Variants in SLC25A26 observed in about 807,000 individuals in gnomAD.
The protein encoded by SLC25A26 is solute carrier family 25 member 26.
Under a neutral mutation model 37.8 loss-of-function variants are expected in SLC25A26, and 36 were observed. The ratio of observed to expected loss-of-function variants is 0.95; its 90% CI spans 0.73 to 1.26. SLC25A26 has a LOEUF of 1.26. Ranked by LOEUF, SLC25A26 falls within the 50% of genes most tolerant of loss-of-function variation. SLC25A26 has a pLI of 0.00. For synonymous variants in SLC25A26, 129 were observed against 122.5 expected (o/e 1.05, Z -0.35); for missense variants, 390 against 331.1 (o/e 1.18, Z -1.38).
intron 3 of SLC25A26, among the ~76,000 whole-genome samples, chr3:66,257,438 G>A (rs1019594569): frequency 3.9e-4 from 60 of 152,122 alleles, no homozygotes; most frequent in Non-Finnish European, 2.1e-4. Context: ...GTCTAGGGCC[G>A]CAGACCCTCA....
chr3:66,345,939 T>G (rs369858503), intron 5 of SLC25A26, among the ~76,000 whole-genome samples: 3 of 152,348 alleles, frequency 2.0e-5, no homozygotes, highest in African/African-American at 7.2e-5. Flanking sequence ...ACGCCTGTAA[T>G]CCCAGCACTT....
At chr3:66,268,514 G>A (rs1326853802) in intron 5 of SLC25A26, among the ~76,000 whole-genome samples, 1 of 152,172 alleles carries the variant, frequency 6.6e-6, no homozygotes, top group Non-Finnish European at 1.5e-5. Flanking sequence ...TTACTTTCCT[G>A]TGAACTGATG....
chr3:66,187,008 T>C (rs904637536), intron 1 of SLC25A26, among the ~76,000 whole-genome samples: 182 of 152,138 alleles, frequency 1.2e-3, no homozygotes, highest in African/African-American at 4.1e-3. Flanking sequence ...GACCTGATTC[T>C]GACACTCAAG....
chr3:66,202,794 T>C (rs1041392454), intron 1 of SLC25A26, among the ~76,000 whole-genome samples: 2 of 152,152 alleles, frequency 1.3e-5, no homozygotes, highest in Non-Finnish European at 2.9e-5. Context: ...TTACACTGGG[T>C]TCACCACTTA....
chr3:66,314,396 C>A (rs1477047312), intron 5 of SLC25A26, among the ~76,000 whole-genome samples: 2 of 151,968 alleles, frequency 1.3e-5, no homozygotes, highest in African/African-American at 4.8e-5. Context: ...GTTTTTGGAT[C>A]TGTTTATGTG....
At chr3:66,188,494 A>G (rs2070872990) in intron 1 of SLC25A26, among the ~76,000 whole-genome samples, 1 of 152,020 alleles carries the variant, frequency 6.6e-6, no homozygotes, top group Admixed American at 6.6e-5. Flanking sequence ...TCTGGTTGTT[A>G]AAAGGAGCCC....
chr3:66,307,933 A>G (rs745454265), intron 5 of SLC25A26, among the ~76,000 whole-genome samples: 52 of 152,144 alleles, frequency 3.4e-4, no homozygotes, highest in Non-Finnish European at 5.9e-4. Flanking sequence ...GTCAGGTAGC[A>G]TGATGCCTCC....
chr3:66,374,605 C>T (rs886542734), intron 9 of SLC25A26, among the ~76,000 whole-genome samples: 4 of 152,232 alleles, frequency 2.6e-5, no homozygotes. Flanking sequence ...AAAACTCGGG[C>T]CGGGCATGGT....
intron 2 of SLC25A26, among the ~76,000 whole-genome samples, chr3:66,237,178 C>G (rs1043753977): frequency 3.3e-5 from 5 of 152,150 alleles, no homozygotes; most frequent in Admixed American, 1.3e-4. Context: ...GTTATAGATT[C>G]CATTTCAATA....
chr3:66,185,226 G>A (rs1259821693), intron 1 of SLC25A26, among the ~76,000 whole-genome samples: 3 of 152,146 alleles, frequency 2.0e-5, no homozygotes, highest in Admixed American at 6.5e-5. Context: ...TTTGGTGACT[G>A]GATCATTTCA....
At chr3:66,305,642 T>C (rs2075198343) in intron 5 of SLC25A26, among the ~76,000 whole-genome samples, 1 of 148,372 alleles carries the variant, frequency 6.7e-6, no homozygotes, top group Admixed American at 6.8e-5. Flanking sequence ...GGCCCCAGAG[T>C]GTGTTGTTTC....
chr3:66,315,388 T>C (rs1301528128), intron 5 of SLC25A26, among the ~76,000 whole-genome samples: 1 of 152,242 alleles, frequency 6.6e-6, no homozygotes, highest in Non-Finnish European at 1.5e-5. Flanking sequence ...TAGCCAGTAG[T>C]CTCAGAAGCA....
At chr3:66,372,874 A>C (rs1010046155) in intron 9 of SLC25A26, among the ~76,000 whole-genome samples, 19 of 151,912 alleles carry the variant, frequency 1.3e-4, no homozygotes, top group African/African-American at 4.1e-4. Flanking sequence ...GGCGTGCACT[A>C]AGTTTACTAG....
At chr3:66,147,183 G>A (rs2070132041) in intron 1 of SLC25A26, among the ~76,000 whole-genome samples, 1 of 136,976 alleles carries the variant, frequency 7.3e-6, no homozygotes, top group South Asian at 2.5e-4. Context: ...CTTTTTTTCA[G>A]AACAGAGTCT....
chr3:66,209,113 T>TAC (rs2071234463), intron 1 of SLC25A26, among the ~76,000 whole-genome samples: 12 of 98,448 alleles, frequency 1.2e-4, no homozygotes, highest in Non-Finnish European at 1.7e-4. Context: ...TATATATATA[T>TAC]ACACAAAAAG....
intron 6 of SLC25A26, among the ~76,000 whole-genome samples, chr3:66,359,447 T>C (rs2076648619): frequency 6.6e-6 from 1 of 152,256 alleles, no homozygotes; most frequent in African/African-American, 2.4e-5. Flanking sequence ...TATTTACTTT[T>C]GCTTATAAAC....
Position 66,175,471 on chromosome 3 carries a change from C to T in SLC25A26, c.-354+41487C>T, listed in dbSNP as rs186590640. ...AACTCCTGACCTCAGGTGATTCACCCGCCTCGGCCTCCCAAAGTGCTGGGA... is the reference window on the plus strand; with the variant it reads ...AACTCCTGACCTCAGGTGATTCACCTGCCTCGGCCTCCCAAAGTGCTGGGA... On this transcript the variant is annotated intron_variant, in intron 1 of 10. Coordinates refer to the SLC25A26 transcript ENST00000676754. 3.9e-3 allele frequency among the ~76,000 whole-genome samples: 600 copies of T among 152,192 alleles called. 3 individuals carry two copies. Among genetic ancestry groups the T allele is most frequent in the Non-Finnish European group, 5.8e-3 (397 of 68,012 alleles).
intron 6 of SLC25A26, among the ~76,000 whole-genome samples, chr3:66,355,162 C>T (rs2076547333): frequency 6.6e-6 from 1 of 152,024 alleles, no homozygotes; most frequent in Non-Finnish European, 1.5e-5. Flanking sequence ...ACTAAGCAAA[C>T]CCAGCATTTT....
chr3:66,224,407 G>A (rs2071642228), intron 1 of SLC25A26, among the ~76,000 whole-genome samples: 1 of 152,224 alleles, frequency 6.6e-6, no homozygotes. Flanking sequence ...AGCATGTGCT[G>A]CAGGGGAACT....
Sources: gnomAD v4.1 joint callset for allele counts (sites outside exome capture counted in the v4.1 genomes callset) on GRCh38, gnomAD v4.1.1 for gene constraint, MANE v1.5 for transcripts, NCBI Gene and HGNC (gene_info 2026-07-23, HGNC 2026-07-21) for gene names.